The following TNRC6B variants were observed in gnomAD, a reference collection of about 807,000 sequenced individuals.
TNRC6B encodes trinucleotide repeat-containing gene 6B protein.
Under a neutral mutation model 203.6 loss-of-function variants are expected in TNRC6B, and 52 were observed. That is an observed-to-expected ratio of 0.26 (90% CI 0.20 to 0.32). TNRC6B has a LOEUF of 0.32. Ranked by LOEUF, TNRC6B falls within the 10% of genes least tolerant of loss-of-function variation. The pLI, the probability that TNRC6B is intolerant of heterozygous loss-of-function variation, is 1.00. For synonymous variants in TNRC6B, 838 were observed against 845.7 expected, an observed-to-expected ratio of 0.99 and a Z score of 0.16; for missense variants, 1,923 against 2,286.2, an observed-to-expected ratio of 0.84 and a Z score of 3.24.
At chr22:40,119,254 G>A (rs2068420614) in intron 2 of TNRC6B, among the ~76,000 whole-genome samples, 1 of 152,184 alleles carries the variant, frequency 6.6e-6, no homozygotes, top group Non-Finnish European at 1.5e-5. Context: ...ACTGGTGACT[G>A]CTCCAAGTTG....
intron 1 of TNRC6B, among the ~76,000 whole-genome samples, chr22:40,085,848 C>CTGTTGT (rs3044441): frequency 0.03 from 4,440 of 149,260 alleles, 94 homozygotes; most frequent in Non-Finnish European, 0.043. Context: ...TTTGTTGTTG[C>CTGTTGT]TGTTGTTGTT....
chr22:40,150,228 A>G (rs1294825000), intron 3 of TNRC6B, among the ~76,000 whole-genome samples: 1 of 152,080 alleles, frequency 6.6e-6, no homozygotes, highest in Non-Finnish European at 1.5e-5. Flanking sequence ...AATACAAAAA[A>G]TTAGCCAGGC....
At chr22:40,158,434 T>TA (rs149851049) in intron 4 of TNRC6B, among the ~76,000 whole-genome samples, 2 of 152,078 alleles carry the variant, frequency 1.3e-5, no homozygotes, top group African/African-American at 4.8e-5. Context: ...AGCCTATTTT[T>TA]AAAAAAACAG....
At chr22:40,163,936 T>C (rs1569003906) in intron 4 of TNRC6B, among the ~76,000 whole-genome samples, 1 of 151,950 alleles carries the variant, frequency 6.6e-6, no homozygotes, top group South Asian at 2.1e-4. Flanking sequence ...TGAGGATGGA[T>C]TTCTGTTGTC....
chr22:40,117,242 T>C (rs1231712675), intron 2 of TNRC6B: 2 of 152,398 alleles, frequency 1.3e-5, no homozygotes, highest in African/African-American at 4.8e-5. Context: ...CAGAAAGATA[T>C]TTTTAAGGTG....
intron 1 of TNRC6B, among the ~76,000 whole-genome samples, chr22:40,231,148 CACTTTA>C (rs1435488247): frequency 6.6e-6 from 1 of 152,208 alleles, no homozygotes; most frequent in Admixed American, 6.5e-5. Flanking sequence ...CTGTGTTAAT[CACTTTA>C]ACTTTATAAT....
Position 40,063,604 on chromosome 22 carries a change from C to T in TNRC6B, c.-121+18606C>T, listed in dbSNP as rs373948238. ...ATTTATTTCGACGTTTTATGGTTTT[C>T]AGCGTATAAGTGTTGCACTTCTTTT... On this transcript the variant is annotated intron_variant, in intron 1 of 23. Coordinates refer to the TNRC6B transcript ENST00000301923. 1.2e-4 allele frequency among the ~76,000 whole-genome samples: 19 copies of T among 152,286 alleles called. 2 individuals are homozygous for T. Among genetic ancestry groups the T allele is most frequent in the Admixed American group, 9.8e-4 (15 of 15,302 alleles).
chr22:40,115,268 T>G (rs2068376930), intron 1 of TNRC6B, among the ~76,000 whole-genome samples: 1 of 152,212 alleles, frequency 6.6e-6, no homozygotes, highest in Non-Finnish European at 1.5e-5. Context: ...AGGCTGTGTT[T>G]TAACCTAAGC....
intron 4 of TNRC6B, among the ~76,000 whole-genome samples, chr22:40,164,857 C>T (rs968633337): frequency 6.7e-6 from 1 of 149,134 alleles, no homozygotes; most frequent in Admixed American, 6.7e-5. Flanking sequence ...GGCTCACTCA[C>T]TGCAACCTCC....
At chr22:40,126,749 C>T (rs2068497595) in intron 3 of TNRC6B, among the ~76,000 whole-genome samples, 2 of 151,242 alleles carry the variant, frequency 1.3e-5, no homozygotes, top group South Asian at 4.2e-4. Flanking sequence ...CACCACCAAA[C>T]CTGGCTAATT....
chr22:40,078,038 T>C (rs1408932946), intron 1 of TNRC6B, among the ~76,000 whole-genome samples: 1 of 152,208 alleles, frequency 6.6e-6, no homozygotes, highest in Admixed American at 6.5e-5. Context: ...TCCATAGTTA[T>C]TTTATTAGCT....
At chr22:40,170,079 A>G (rs1419556081) in intron 4 of TNRC6B, among the ~76,000 whole-genome samples, 1 of 151,018 alleles carries the variant, frequency 6.6e-6, no homozygotes, top group African/African-American at 2.4e-5. Flanking sequence ...CGGGAGTTGG[A>G]GGTCAGTCTG....
At position 40,332,539 on chromosome 22, in the gene TNRC6B, CA is replaced by C. The variant is rs2043993430; in HGVS notation, c.*9300del. On this transcript the variant is annotated 3_prime_UTR_variant, in exon 23 of 23. Coordinates refer to ENST00000454349, the MANE Select transcript of TNRC6B (RefSeq NM_001162501.2). The stretch of plus-strand genomic sequence containing the variant: ...CCTATATTCAGTGTTTTCCATGCAG[CA>C]ATTCTTCTTGTTGACGTTCACAGTA... The C allele has an allele frequency of 6.7e-6, 1 of 148,212 alleles. No homozygotes were observed. Among genetic ancestry groups the C allele is most frequent in the Non-Finnish European group, 1.5e-5 (1 of 65,482 alleles). 9.2% of individuals were successfully genotyped at this position (148,212 alleles called of 1,614,324 possible). A position where few individuals can be genotyped will look rare whatever the true frequency, so the allele number is the denominator to read the frequency against.
intron 1 of TNRC6B, among the ~76,000 whole-genome samples, chr22:40,195,149 G>A (rs1229397328): frequency 6.6e-6 from 1 of 152,116 alleles, no homozygotes; most frequent in Non-Finnish European, 1.5e-5. Context: ...TTAAATGTCT[G>A]GCTTTGCTCT....
At chr22:40,097,843 C>T (rs1248152365) in intron 1 of TNRC6B, among the ~76,000 whole-genome samples, 1 of 151,688 alleles carries the variant, frequency 6.6e-6, no homozygotes, top group African/African-American at 2.4e-5. Flanking sequence ...TTTATAATGG[C>T]GTATCTTATT....
At chr22:40,128,920 G>T (rs1385168370) in intron 3 of TNRC6B, among the ~76,000 whole-genome samples, 1 of 152,056 alleles carries the variant, frequency 6.6e-6, no homozygotes, top group African/African-American at 2.4e-5. Flanking sequence ...TTTAGTGGGA[G>T]ACATGAATAA....
At chr22:40,199,552 A>G (rs2069383058) in intron 1 of TNRC6B, among the ~76,000 whole-genome samples, 1 of 152,144 alleles carries the variant, frequency 6.6e-6, no homozygotes, top group South Asian at 2.1e-4. Flanking sequence ...CAAAAATTTC[A>G]GGGTCATGAA....
intron 2 of TNRC6B, among the ~76,000 whole-genome samples, chr22:40,250,854 A>G (rs1267602320): frequency 2.7e-5 from 4 of 150,880 alleles, no homozygotes; most frequent in Admixed American, 6.6e-5. Flanking sequence ...GGCCACATTC[A>G]TGTGATTTTT....
chr22:40,328,912 A>G lies in TNRC6B; in HGVS notation c.*5671A>G, dbSNP rs1417297397. On this transcript the variant is annotated 3_prime_UTR_variant, in exon 23 of 23. Transcript: ENST00000454349. ...TATCTATAAGATCTTTAGAAGTGAG[A>G]TAAATTTTTCGCTGGTTAAAAAAAA... 6.6e-6 allele frequency: 1 copy of G among 152,582 alleles called. No individual in the cohort carries two copies. Among genetic ancestry groups the G allele is most frequent in the African/African-American group, 2.4e-5 (1 of 41,432 alleles). The allele number at this position is 152,582 out of a possible 1,614,324, so 9.5% of individuals were successfully genotyped here.
Sources: gnomAD v4.1 joint callset for allele counts (sites outside exome capture counted in the v4.1 genomes callset) on GRCh38, gnomAD v4.1.1 for gene constraint, MANE v1.5 for transcripts, NCBI Gene and HGNC (gene_info 2026-07-23, HGNC 2026-07-21) for gene names.